SV2B: variants seen among roughly 807,000 people sequenced by gnomAD.
SV2B encodes the protein synaptic vesicle glycoprotein 2B, also known as solute carrier family 22 member B2.
SV2B carries 41 observed loss-of-function variants against 73.9 expected under a neutral mutation model. The ratio of observed to expected loss-of-function variants is 0.56; its 90% CI spans 0.43 to 0.72. The LOEUF (loss-of-function observed/expected upper bound fraction) is 0.72, where lower values mean the gene tolerates loss of function less well. Among genes scored for constraint, SV2B ranks in the 30% least tolerant of loss-of-function variants. SV2B has a pLI of 0.00. For synonymous variants in SV2B, 314 were observed against 314.2 expected (o/e 1.00, Z 0.01); for missense variants, 764 against 857.8 (o/e 0.89, Z 1.37).
chr15:91,104,255 C>A (rs184212272), intron 1 of SV2B, among the ~76,000 whole-genome samples: 1 of 152,314 alleles, frequency 6.6e-6, no homozygotes, highest in East Asian at 1.9e-4. Flanking sequence ...TGATTTTGGT[C>A]TGCTGATGGA....
In SV2B at chr15:91,142,822, G is replaced by A. The variant is rs1012622999; in HGVS notation, c.-392+42459G>A. Among the ~76,000 whole-genome samples the A allele has an allele frequency of 3.3e-5, 5 of 152,194 alleles. No homozygotes were observed. In the South Asian group the frequency reaches 6.2e-4, roughly 19 times the overall value. ...TACTTCTACCATAGAGGACAGTAGG[G>A]TCCATTCTAAACTGTGTTTAGTTCA... On this transcript the variant is annotated intron_variant, in intron 1 of 12. Coordinates refer to ENST00000394232, the MANE Select transcript of SV2B (RefSeq NM_001323032.3).
At chr15:91,166,420 A>G (rs2043912846) in intron 1 of SV2B, among the ~76,000 whole-genome samples, 1 of 152,050 alleles carries the variant, frequency 6.6e-6, no homozygotes. Flanking sequence ...GTGTCTGGTC[A>G]TAGTTTTCTT....
intron 1 of SV2B, among the ~76,000 whole-genome samples, chr15:91,181,558 G>A (rs2044567871): frequency 1.3e-5 from 2 of 151,702 alleles, no homozygotes; most frequent in Admixed American, 1.3e-4. Flanking sequence ...GAAGTGACAT[G>A]TGATGACCTC....
rs967339019 is a variant in SV2B at position 91,140,105 on chromosome 15, G to A, written c.-392+39742G>A. 1.3e-5 allele frequency among the ~76,000 whole-genome samples: 2 copies of A among 152,236 alleles called. No individual in the cohort carries two copies. The highest frequency in any genetic ancestry group is 4.8e-5 in the African/African-American group (2 of 41,462). ...ATCAGAAACTCAGAGGATGGGCCCA[G>A]TAGGTGATTCTGATGTACCGAGTTT... On this transcript the variant is annotated intron_variant, in intron 1 of 12. Coordinates refer to ENST00000394232, the MANE Select transcript of SV2B (RefSeq NM_001323032.3). This position sits in a 1 kb window ranked among gnomAD's most constrained non-coding sequence, Gnocchi z 4.4.
intron 1 of SV2B, among the ~76,000 whole-genome samples, chr15:91,164,005 A>G (rs1596502349): frequency 6.6e-6 from 1 of 152,148 alleles, no homozygotes. Flanking sequence ...TCCCAGCACC[A>G]TTTATTAAAT....
rs1335226026 is a variant in SV2B at position 91,297,179 on chromosome 15, C to G, written c.*4627C>G. ...GACTCCTTGATTTTTAGTGCAGTTT[C>G]CATCACTGAGGCTGCCTCATGGGCT... On this transcript the variant is annotated 3_prime_UTR_variant, in exon 13 of 13. Coordinates refer to ENST00000394232, the MANE Select transcript of SV2B (RefSeq NM_001323032.3). The surrounding 1 kb of genome is among the most constrained non-coding windows in gnomAD (Gnocchi z 5.1). 1 of 152,938 alleles carries G rather than the reference C, an allele frequency of 6.5e-6. No individual in the cohort carries two copies. Among genetic ancestry groups the G allele is most frequent in the African/African-American group, 2.4e-5 (1 of 41,420 alleles). 9.5% of individuals were successfully genotyped at this position (152,938 alleles called of 1,614,324 possible).
Position 91,223,777 on chromosome 15 carries a change from G to C in SV2B, c.-391-2096G>C, listed in dbSNP as rs773989886. On this transcript the variant is annotated intron_variant, in intron 1 of 12. Coordinates refer to ENST00000394232, the MANE Select transcript of SV2B (RefSeq NM_001323032.3). This position sits in a 1 kb window ranked among gnomAD's most constrained non-coding sequence, Gnocchi z 4.6. The stretch of plus-strand genomic sequence containing the variant: ...AATAGAAATTTATTTACTGGAGATG[G>C]TGAAAAATCGGAAAGAGTAGAGTGC... 5.3e-5 allele frequency among the ~76,000 whole-genome samples: 8 copies of C among 152,222 alleles called. No homozygotes were observed. The highest frequency in any genetic ancestry group is 1.0e-4 in the Non-Finnish European group (7 of 68,032).
At chr15:91,266,847 A>C (rs1440509038) in intron 7 of SV2B, 155 bp downstream of exon 7, 8 of 561,652 alleles carry the variant, frequency 1.4e-5, no homozygotes, top group Non-Finnish European at 2.5e-5. Flanking sequence ...GCTCCAGCCC[A>C]CGTCTGCCTC....
intron 1 of SV2B, among the ~76,000 whole-genome samples, chr15:91,177,959 CTGTCT>C (rs1273303087): frequency 1.3e-5 from 2 of 148,616 alleles, no homozygotes; most frequent in Non-Finnish European, 3.0e-5. Flanking sequence ...GAGGGCATCC[CTGTCT>C]TGTGCCAGTT....
intron 1 of SV2B, among the ~76,000 whole-genome samples, chr15:91,111,440 G>A (rs1057227124): frequency 2.6e-5 from 4 of 152,220 alleles, no homozygotes; most frequent in African/African-American, 7.2e-5. Context: ...AGAGTACAAG[G>A]TGGGGAGGTA....
rs988125839 is a variant in SV2B at position 91,140,379 on chromosome 15, C to G, written c.-392+40016C>G. On this transcript the variant is annotated intron_variant, in intron 1 of 12. Coordinates refer to ENST00000394232, the MANE Select transcript of SV2B (RefSeq NM_001323032.3). This position sits in a 1 kb window ranked among gnomAD's most constrained non-coding sequence, Gnocchi z 4.4. ...TAATAAAAATGCCTTTCAGCATTTT[C>G]TGTCTCAAAAGTCTAGTGCTTCTCC... Among the ~76,000 whole-genome samples the G allele has an allele frequency of 6.6e-6, 1 of 152,204 alleles. No individual in the cohort carries two copies. Among genetic ancestry groups the G allele is most frequent in the African/African-American group, 2.4e-5 (1 of 41,452 alleles).
Position 91,258,512 on chromosome 15 carries a change from G to A in SV2B, c.876G>A (p.Val292=). 1 of 1,614,108 alleles carries A rather than the reference G, an allele frequency of 6.2e-7. No homozygotes were observed. Among genetic ancestry groups the A allele is most frequent in the Non-Finnish European group, 8.5e-7 (1 of 1,179,984 alleles). Residue 292 remains valine (V), a synonymous_variant, in exon 5 of 13, where the codon GTG becomes GTA. Transcript: ENST00000394232. This position sits in a 1 kb window ranked among gnomAD's most constrained non-coding sequence, Gnocchi z 4.7. The stretch of plus-strand genomic sequence containing the variant: ...CTCTGCCCTGCACCGTGTCCATGGT[G>A]GCCCTGAAGTTCATGCCAGAGAGCC... ...VCALPCTVSM[V]ALKFMPESPR...
chr15:91,160,463 C>T (rs1018702783), intron 1 of SV2B, among the ~76,000 whole-genome samples: 2 of 152,124 alleles, frequency 1.3e-5, no homozygotes, highest in Non-Finnish European at 2.9e-5. Context: ...CAAAAATTAG[C>T]TGAGCGTGGT....
chr15:91,163,010 G>A (rs980462104), intron 1 of SV2B, among the ~76,000 whole-genome samples: 12 of 151,718 alleles, frequency 7.9e-5, no homozygotes, highest in Admixed American at 2.6e-4. Flanking sequence ...GAGAACATGC[G>A]GTGTTTGGTT....
At chr15:91,135,951 A>G (rs925606979) in intron 1 of SV2B, among the ~76,000 whole-genome samples, 13 of 152,332 alleles carry the variant, frequency 8.5e-5, no homozygotes, top group Non-Finnish European at 1.8e-4. Context: ...TTCACCTTGC[A>G]GGAGGGCAAG....
Position 91,227,718 on chromosome 15 carries a change from G to A in SV2B, c.451+1004G>A, listed in dbSNP as rs1213510317. ...AGGATCTGGGAAGAAAATAGCTTTT[G>A]TCTCTCAAATAATTTGCATGTAGTT... On this transcript the variant is annotated intron_variant, in intron 2 of 12. Transcript: ENST00000394232. This position sits in a 1 kb window ranked among gnomAD's most constrained non-coding sequence, Gnocchi z 4.5. 6.6e-6 allele frequency among the ~76,000 whole-genome samples: 1 copy of A among 152,164 alleles called. No individual in the cohort carries two copies. The highest frequency in any genetic ancestry group is 1.5e-5 in the Non-Finnish European group (1 of 68,022).
intron 1 of SV2B, among the ~76,000 whole-genome samples, chr15:91,211,510 T>C (rs1445492186): frequency 6.7e-6 from 1 of 149,546 alleles, no homozygotes; most frequent in East Asian, 1.9e-4. Context: ...CTTCTTCCTT[T>C]TTTTTTTTTT....
At chr15:91,257,504 G>A (rs1284712080) in intron 4 of SV2B, among the ~76,000 whole-genome samples, 2 of 152,196 alleles carry the variant, frequency 1.3e-5, no homozygotes, top group African/African-American at 4.8e-5. Flanking sequence ...AATGATGATT[G>A]AATAGGAGCT....
intron 1 of SV2B, among the ~76,000 whole-genome samples, chr15:91,154,213 T>C (rs2043410326): frequency 6.7e-6 from 1 of 149,830 alleles, no homozygotes; most frequent in South Asian, 2.1e-4. Flanking sequence ...TATAAAGTAA[T>C]ATAAAGATAC....
Sources: allele counts gnomAD v4.1 joint callset (sites outside exome capture counted in the v4.1 genomes callset), GRCh38; gene constraint gnomAD v4.1.1; non-coding constraint Gnocchi (gnomAD v3.1); transcripts MANE v1.5; gene names NCBI Gene and HGNC (gene_info 2026-07-23, HGNC 2026-07-21).